PRELID2: variants seen among roughly 807,000 people sequenced by gnomAD.
The protein encoded by PRELID2 is PRELI domain-containing protein 2.
In PRELID2, 25 loss-of-function variants were observed where a neutral mutation model predicts 28.4. The ratio of observed to expected loss-of-function variants is 0.88; its 90% confidence interval spans 0.64 to 1.23. The LOEUF (loss-of-function observed/expected upper bound fraction) is 1.23. Among genes scored for constraint, PRELID2 ranks in the 50% most tolerant of loss-of-function variants. PRELID2 has a pLI of 0.00. For synonymous variants in PRELID2, 76 were observed against 71.6 expected, an observed-to-expected ratio of 1.06 and a Z score of -0.31; for missense variants, 201 against 214.4, an observed-to-expected ratio of 0.94 and a Z score of 0.39.
intron 1 of PRELID2, among the ~76,000 whole-genome samples, chr5:145,489,011 A>G (rs910405332): frequency 6.6e-6 from 1 of 152,196 alleles, no homozygotes; most frequent in Non-Finnish European, 1.5e-5. Flanking sequence ...CATTCATACC[A>G]GGAATTTGAA....
intron 1 of PRELID2, among the ~76,000 whole-genome samples, chr5:145,540,868 G>A (rs1424516433): frequency 6.6e-5 from 10 of 151,950 alleles, no homozygotes; most frequent in African/African-American, 1.7e-4. Flanking sequence ...TCAGGTTTTC[G>A]AAAATATCAA....
At chr5:145,418,288 A>G in the PRELID2 span, among the ~76,000 whole-genome samples, 1 of 152,210 alleles carries the variant, frequency 6.6e-6, no homozygotes, top group Non-Finnish European at 1.5e-5. Flanking sequence ...AGGAAGAATC[A>G]ATATCATGAA....
At chr5:145,665,027 G>C (rs1175948420) in intron 1 of PRELID2, among the ~76,000 whole-genome samples, 10 of 152,044 alleles carry the variant, frequency 6.6e-5, no homozygotes, top group Admixed American at 5.9e-4. Flanking sequence ...TTGGTTGCTG[G>C]ATTAGGGCTC....
chr5:145,262,239 A>C, the PRELID2 span, among the ~76,000 whole-genome samples: 4 of 152,084 alleles, frequency 2.6e-5, no homozygotes, highest in Non-Finnish European at 4.4e-5. Flanking sequence ...GTGTTCTAAA[A>C]AAGAAGAGAA....
intron 1 of PRELID2, among the ~76,000 whole-genome samples, chr5:145,588,248 T>A (rs1753180037): frequency 6.6e-6 from 1 of 152,152 alleles, no homozygotes; most frequent in Admixed American, 6.6e-5. Context: ...ATTTTTCTTA[T>A]GATACAAGTA....
the PRELID2 span, among the ~76,000 whole-genome samples, chr5:145,331,519 A>G: frequency 1.3e-5 from 2 of 152,126 alleles, no homozygotes; most frequent in Admixed American, 6.6e-5. Flanking sequence ...CTTCATGACT[A>G]TGTAACGCCC....
At chr5:145,530,394 T>A (rs1752644332) in intron 1 of PRELID2, among the ~76,000 whole-genome samples, 3 of 152,078 alleles carry the variant, frequency 2.0e-5, no homozygotes, top group Admixed American at 2.0e-4. Context: ...CCTTGGAGAA[T>A]CAGAGGAGGA....
intron 1 of PRELID2, among the ~76,000 whole-genome samples, chr5:145,683,538 C>T (rs535536964): frequency 1.5e-3 from 223 of 152,250 alleles, no homozygotes; most frequent in Non-Finnish European, 2.7e-3. Flanking sequence ...GCCACCTTCT[C>T]GCTATGTCCT....
intron 1 of PRELID2, among the ~76,000 whole-genome samples, chr5:145,623,547 A>G (rs546463766): frequency 3.3e-4 from 51 of 152,310 alleles, no homozygotes; most frequent in African/African-American, 1.2e-3. Flanking sequence ...ACTGAAGTGA[A>G]GTAGTATATA....
the PRELID2 span, among the ~76,000 whole-genome samples, chr5:145,264,663 A>G: frequency 6.6e-6 from 1 of 152,030 alleles, no homozygotes. Flanking sequence ...CAAGAGAGAG[A>G]AATAAAGGAT....
At chr5:145,619,353 G>A (rs939964916) in intron 1 of PRELID2, among the ~76,000 whole-genome samples, 3 of 152,200 alleles carry the variant, frequency 2.0e-5, no homozygotes, top group African/African-American at 7.2e-5. Flanking sequence ...GTGTGGGGAC[G>A]CAGGAAGCTC....
At chr5:145,736,420 G>A (rs1392258147) in intron 1 of PRELID2, among the ~76,000 whole-genome samples, 1 of 152,050 alleles carries the variant, frequency 6.6e-6, no homozygotes, top group African/African-American at 2.4e-5. Context: ...GTGACTACTA[G>A]CCTCAAGTGA....
chr5:145,527,087 T>A (rs1424892522), intron 1 of PRELID2, among the ~76,000 whole-genome samples: 1 of 152,176 alleles, frequency 6.6e-6, no homozygotes, highest in Non-Finnish European at 1.5e-5. Context: ...ATATAAGTTG[T>A]TTGCCTTAAA....
At chr5:145,475,753 A>G (rs919533113) in intron 1 of PRELID2, among the ~76,000 whole-genome samples, 5 of 152,168 alleles carry the variant, frequency 3.3e-5, no homozygotes, top group African/African-American at 9.7e-5. Context: ...CTCTCATTAG[A>G]CAGAGTTCAC....
chr5:145,610,172 T>TG (rs557707359), intron 1 of PRELID2, among the ~76,000 whole-genome samples: 1 of 152,094 alleles, frequency 6.6e-6, no homozygotes, highest in Non-Finnish European at 1.5e-5. Context: ...GTGAATCCCC[T>TG]GGGGGGCTCT....
rs1213931481 is a variant in PRELID2, at chr5:145,481,650, AAAAG to A, written n.71-8339_71-8336del. Among the ~76,000 whole-genome samples, 92 of 117,850 alleles carry A rather than the reference AAAAG, an allele frequency of 7.8e-4. 2 individuals are homozygous for A. Among genetic ancestry groups the A allele is most frequent in the Non-Finnish European group, 9.8e-4 (53 of 54,348 alleles). 77.3% of individuals were successfully genotyped at this position (117,850 alleles called of 152,430 possible). On this transcript the variant is annotated intron_variant and non_coding_transcript_variant, in intron 1 of 2. Transcript: ENST00000510259. ...AAAAAAAAAAAAAAAAAAAAAAAAA[AAAAG>A]AAAGAAAGAAAGAAAGAAAGAAAGG...
chr5:145,650,732 G>C (rs573778396), intron 1 of PRELID2, among the ~76,000 whole-genome samples: 4 of 151,894 alleles, frequency 2.6e-5, no homozygotes, highest in African/African-American at 9.6e-5. Flanking sequence ...TCATGTCTTA[G>C]TTTTAACTTA....
At chr5:145,649,504 A>C (rs759143830) in intron 1 of PRELID2, among the ~76,000 whole-genome samples, 1 of 152,266 alleles carries the variant, frequency 6.6e-6, no homozygotes, top group Non-Finnish European at 1.5e-5. Context: ...ACCCATTTTT[A>C]ATTTATGATA....
chr5:145,662,073 G>C (rs143743608), intron 1 of PRELID2, among the ~76,000 whole-genome samples: 11 of 151,870 alleles, frequency 7.2e-5, no homozygotes, highest in African/African-American at 2.4e-4. Context: ...TTAATATCTC[G>C]GGGTCCAATG....
Sources: gnomAD v4.1 joint callset for allele counts (sites outside exome capture counted in the v4.1 genomes callset) on GRCh38, gnomAD v4.1.1 for gene constraint, MANE v1.5 for transcripts, NCBI Gene and HGNC (gene_info 2026-07-23, HGNC 2026-07-21) for gene names.